The following AIG1 variants were observed in gnomAD, a reference collection of about 807,000 sequenced individuals.
AIG1 encodes androgen-induced gene 1 protein.
A neutral mutation model predicts 31.4 loss-of-function variants in AIG1; 23 were observed. The observed-to-expected ratio is 0.73, with a 90% CI of 0.53 to 1.04. The LOEUF (loss-of-function observed/expected upper bound fraction) is 1.04, where lower values mean the gene tolerates loss of function less well. AIG1 is among the 50% of genes least tolerant of loss of function. The pLI is 0.00. For missense variants in AIG1, 274 were observed against 295.0 expected (o/e 0.93, Z 0.52); for synonymous variants, 100 against 110.5 (o/e 0.90, Z 0.60).
intron 2 of AIG1, among the ~76,000 whole-genome samples, chr6:143,156,678 C>G (rs1008668064): frequency 2.0e-5 from 3 of 152,128 alleles, no homozygotes; most frequent in Admixed American, 1.3e-4. Context: ...TGGGAGGTTC[C>G]CCTGTTAGGA....
At chr6:143,187,937 T>C in intron 3 of AIG1, 2 of 1,292,772 alleles carry the variant, frequency 1.5e-6, no homozygotes, top group Non-Finnish European at 2.0e-6. Flanking sequence ...CCATAAGGAA[T>C]GATACTTGCT....
At position 143,109,959 on chromosome 6, in the gene AIG1, C is replaced by A. The variant is rs542374101; in HGVS notation, c.142-26876C>A. On this transcript the variant is annotated intron_variant, in intron 1 of 5. Transcript: ENST00000357847. ...CAGAAATATTTACCCAATCCAAGGT[C>A]ATGAAGATATTCTCCTCTGCTATCT... Among the ~76,000 whole-genome samples the A allele has an allele frequency of 1.1e-4, 17 of 152,278 alleles. No individual in the cohort carries two copies. The East Asian group carries it at 3.3e-3, about 29-fold the overall frequency.
At chr6:143,276,342 GGAAGT>G (rs1796905356) in intron 3 of AIG1, among the ~76,000 whole-genome samples, 2 of 152,146 alleles carry the variant, frequency 1.3e-5, no homozygotes, top group South Asian at 4.1e-4. Flanking sequence ...AAAGAGTTTT[GGAAGT>G]GCCCAGAACA....
intron 3 of AIG1, among the ~76,000 whole-genome samples, chr6:143,276,188 AG>A (rs1796888637): frequency 6.6e-6 from 1 of 152,242 alleles, no homozygotes; most frequent in South Asian, 2.1e-4. Flanking sequence ...TATGACATAT[AG>A]TTGCTCTTAA....
At chr6:143,339,611 A>G (rs776220763) in intron 5 of AIG1, 28 bp from the exon 6 acceptor site, 1 of 1,611,136 alleles carries the variant, frequency 6.2e-7, no homozygotes, top group Non-Finnish European at 8.5e-7. Context: ...TCTGATGCTC[A>G]AATAAAACAC....
chr6:143,209,181 T>C (rs534424828), intron 3 of AIG1, among the ~76,000 whole-genome samples: 1 of 152,334 alleles, frequency 6.6e-6, no homozygotes, highest in South Asian at 2.1e-4. Context: ...GAAGCAAATG[T>C]ATATCGTTGT....
At chr6:143,233,579 C>CAAAAAAA (rs67282019) in intron 3 of AIG1, among the ~76,000 whole-genome samples, 1 of 123,604 alleles carries the variant, frequency 8.1e-6, no homozygotes, top group South Asian at 2.8e-4. Context: ...ATTTATGGAC[C>CAAAAAAA]AAAAAAAAAA....
chr6:143,337,023 T>C (rs1242100136), intron 5 of AIG1, among the ~76,000 whole-genome samples: 3 of 152,180 alleles, frequency 2.0e-5, no homozygotes, highest in Non-Finnish European at 4.4e-5. Context: ...TTTGGCTAGA[T>C]GTTCTGTCCT....
intron 2 of AIG1, among the ~76,000 whole-genome samples, chr6:143,157,624 C>G (rs967633976): frequency 2.0e-5 from 3 of 152,070 alleles, no homozygotes; most frequent in Non-Finnish European, 4.4e-5. Flanking sequence ...CTGTCTTCAC[C>G]AAAGGCAATT....
chr6:143,282,091 A>G (rs2128678105), intron 3 of AIG1, among the ~76,000 whole-genome samples: 1 of 152,350 alleles, frequency 6.6e-6, no homozygotes, highest in Middle Eastern at 3.4e-3. Context: ...TTTCCTTGAT[A>G]AAATAATGAC....
intron 4 of AIG1, among the ~76,000 whole-genome samples, chr6:143,317,878 C>G (rs1006233070): frequency 6.6e-6 from 1 of 151,994 alleles, no homozygotes; most frequent in African/African-American, 2.4e-5. Context: ...AAATCAAGAA[C>G]TCAACCCATT....
At chr6:143,336,742 T>C (rs1777521882) in intron 5 of AIG1, among the ~76,000 whole-genome samples, 1 of 152,142 alleles carries the variant, frequency 6.6e-6, no homozygotes, top group Admixed American at 6.5e-5. Flanking sequence ...CAAAATCTCA[T>C]CTTAAATATC....
At chr6:143,099,437 A>G (rs1030438690) in intron 1 of AIG1, 1 of 152,228 alleles carries the variant, frequency 6.6e-6, no homozygotes, top group Non-Finnish European at 1.5e-5. Context: ...AATAGTATGC[A>G]TGATATGTGC....
At chr6:143,165,334 A>G in intron 3 of AIG1, 151 bp downstream of exon 3, 1 of 604,946 alleles carries the variant, frequency 1.7e-6, no homozygotes, top group Non-Finnish European at 2.9e-6. Flanking sequence ...GAATACTGTA[A>G]TATTTACTGA....
intron 3 of AIG1, among the ~76,000 whole-genome samples, chr6:143,200,934 G>A (rs199799478): frequency 2.5e-5 from 1 of 40,466 alleles, no homozygotes; most frequent in Non-Finnish European, 4.2e-5. Context: ...CGAGTATCTC[G>A]TGGATTTCCC....
At chr6:143,222,642 T>C (rs751982812) in intron 3 of AIG1, among the ~76,000 whole-genome samples, 4 of 152,186 alleles carry the variant, frequency 2.6e-5, no homozygotes, top group Non-Finnish European at 5.9e-5. Flanking sequence ...AATTTCTTTA[T>C]AGAAGGACAA....
chr6:143,086,173 G>C (rs759430096), intron 1 of AIG1, among the ~76,000 whole-genome samples: 1 of 152,170 alleles, frequency 6.6e-6, no homozygotes, highest in Non-Finnish European at 1.5e-5. Flanking sequence ...TGATAGGAAG[G>C]CTACGGGTTG....
intron 1 of AIG1, among the ~76,000 whole-genome samples, chr6:143,116,400 A>G (rs1243744663): frequency 6.6e-6 from 1 of 152,110 alleles, no homozygotes; most frequent in Non-Finnish European, 1.5e-5. Context: ...CCAGTTATTC[A>G]TTCATCCATT....
At position 143,331,452 on chromosome 6, in the gene AIG1, A is replaced by G. The variant is rs1243205491; in HGVS notation, c.516-1830A>G. On this transcript the variant is annotated intron_variant, in intron 4 of 5. Coordinates refer to ENST00000357847, the MANE Select transcript of AIG1 (RefSeq NM_016108.4). This position sits in a 1 kb window ranked among gnomAD's most constrained non-coding sequence, Gnocchi z 4.1. The stretch of plus-strand genomic sequence containing the variant: ...AGGTACCTCATATAAGTGGAATCAT[A>G]TACAATATGTGACCTGTGTCTGGCT... 1.3e-5 allele frequency among the ~76,000 whole-genome samples: 2 copies of G among 152,134 alleles called. No homozygotes were observed. Among genetic ancestry groups the G allele is most frequent in the Non-Finnish European group, 2.9e-5 (2 of 68,034 alleles).
Sources: gnomAD v4.1 joint callset for allele counts (sites outside exome capture counted in the v4.1 genomes callset) on GRCh38, gnomAD v4.1.1 for gene constraint, Gnocchi (gnomAD v3.1) non-coding constraint, MANE v1.5 for transcripts, NCBI Gene and HGNC (gene_info 2026-07-23, HGNC 2026-07-21) for gene names.